The following DAPK2 variants were observed in gnomAD, a reference collection of about 807,000 sequenced individuals.
The protein encoded by DAPK2 is death-associated protein kinase 2.
DAPK2 carries 35 observed loss-of-function variants against 44.1 expected under a neutral mutation model. The observed-to-expected ratio is 0.79, with a 90% CI of 0.61 to 1.05. The LOEUF (loss-of-function observed/expected upper bound fraction) is 1.05, where lower values mean the gene tolerates loss of function less well. DAPK2 is among the 50% of genes least tolerant of loss of function. The probability of loss-of-function intolerance (pLI) is 0.00; values close to 1 mark genes in which losing one functional copy is unlikely to be tolerated. For missense variants in DAPK2, 453 were observed against 483.2 expected (o/e 0.94, Z 0.59); for synonymous variants, 174 against 182.6 (o/e 0.95, Z 0.38).
At chr15:63,931,760 G>A (rs115644106) in intron 4 of DAPK2, among the ~76,000 whole-genome samples, 3,089 of 152,256 alleles carry the variant, frequency 0.02, 97 homozygotes, top group African/African-American at 0.071. Flanking sequence ...CAGAGACTAG[G>A]AGAGATGGCT....
chr15:64,028,302 G>A (rs903522337), intron 1 of DAPK2, among the ~76,000 whole-genome samples: 3 of 152,178 alleles, frequency 2.0e-5, no homozygotes, highest in African/African-American at 7.2e-5. Flanking sequence ...CAAGTGATCT[G>A]CCTGCCTTAG....
intron 1 of DAPK2, chr15:64,029,691 A>G (rs1172514121): frequency 6.6e-6 from 1 of 152,282 alleles, no homozygotes; most frequent in Non-Finnish European, 1.5e-5. Context: ...GTGCCCAAGA[A>G]TATTTATTGT....
At chr15:63,960,342 C>T (rs2077857605) in intron 3 of DAPK2, among the ~76,000 whole-genome samples, 1 of 152,126 alleles carries the variant, frequency 6.6e-6, no homozygotes, top group Admixed American at 6.6e-5. Flanking sequence ...TTTTGTGTCT[C>T]TATCTCCTTC....
intron 3 of DAPK2, among the ~76,000 whole-genome samples, chr15:63,944,135 C>G (rs1364746904): frequency 6.6e-6 from 1 of 152,118 alleles, no homozygotes; most frequent in African/African-American, 2.4e-5. Context: ...GCAGGGCGAA[C>G]ACCCAAGCTG....
At chr15:63,993,656 G>A (rs146402779) in intron 1 of DAPK2, among the ~76,000 whole-genome samples, 2 of 152,230 alleles carry the variant, frequency 1.3e-5, no homozygotes, top group East Asian at 1.9e-4. Flanking sequence ...ATGCAGGGCT[G>A]TGAATGGGGA....
At position 63,917,525 on chromosome 15, in the gene DAPK2, A is replaced by T. The variant is rs2078958583; in HGVS notation, c.859-5328T>A. The T allele has an allele frequency of 6.6e-6, 1 of 152,214 alleles. No individual in the cohort carries two copies. Among genetic ancestry groups the T allele is most frequent in the Non-Finnish European group, 1.5e-5 (1 of 68,042 alleles). 9.4% of individuals were successfully genotyped at this position (152,214 alleles called of 1,614,324 possible). On this transcript the variant is annotated intron_variant, in intron 8 of 10. Coordinates refer to ENST00000261891, the Ensembl canonical transcript of DAPK2. This position sits in a 1 kb window ranked among gnomAD's most constrained non-coding sequence, Gnocchi z 4.4. Reference sequence around the variant, plus strand: ...ACCCGCATGACTTGATTCCTGCTGGAGCGGGGTCATAGGTCCTGGAATCCA... The same window carrying T: ...ACCCGCATGACTTGATTCCTGCTGGTGCGGGGTCATAGGTCCTGGAATCCA...
chr15:64,040,477 G>C (rs1228948641), upstream of DAPK2, among the ~76,000 whole-genome samples: 7 of 152,136 alleles, frequency 4.6e-5, no homozygotes, highest in African/African-American at 1.7e-4. Context: ...ATTCAAATTT[G>C]TTAAGGAGAC....
intron 3 of DAPK2, among the ~76,000 whole-genome samples, chr15:63,970,461 TTAGA>T (rs1366989156): frequency 6.6e-6 from 1 of 152,180 alleles, no homozygotes; most frequent in Non-Finnish European, 1.5e-5. Flanking sequence ...CCGGTTGGAC[TTAGA>T]TGTCCCCTCC....
intron 1 of DAPK2, chr15:63,991,333 C>G (rs974739127): frequency 1.1e-5 from 5 of 456,136 alleles, no homozygotes; most frequent in Non-Finnish European, 2.2e-5. Context: ...TCTGGAACAA[C>G]AGAATGCCAG....
At chr15:63,986,371 G>A (rs1034507651) in intron 1 of DAPK2, among the ~76,000 whole-genome samples, 1 of 152,234 alleles carries the variant, frequency 6.6e-6, no homozygotes, top group Admixed American at 6.5e-5. Context: ...GAGACATCCA[G>A]AGACATAAGT....
chr15:63,995,623 G>A (rs1218763275), intron 1 of DAPK2, among the ~76,000 whole-genome samples: 1 of 152,172 alleles, frequency 6.6e-6, no homozygotes, highest in African/African-American at 2.4e-5. Context: ...TCCATGCAGG[G>A]TATACCTTCA....
chr15:63,985,437 C>A (rs942572190), intron 1 of DAPK2, among the ~76,000 whole-genome samples: 1 of 152,200 alleles, frequency 6.6e-6, no homozygotes, highest in Non-Finnish European at 1.5e-5. Context: ...CCAACAAACA[C>A]TTGACCGAGC....
At chr15:63,934,480 C>A (rs1252678656) in intron 4 of DAPK2, among the ~76,000 whole-genome samples, 1 of 152,056 alleles carries the variant, frequency 6.6e-6, no homozygotes, top group Non-Finnish European at 1.5e-5. Context: ...TGGTCTTGAA[C>A]TCCTGACCTC....
chr15:63,999,343 C>CCCCACAGCTG (rs1307838970), intron 1 of DAPK2, among the ~76,000 whole-genome samples: 1 of 152,136 alleles, frequency 6.6e-6, no homozygotes, highest in Non-Finnish European at 1.5e-5. Flanking sequence ...ACAGTTCTGC[C>CCCCACAGCTG]CCCACAGCTG....
At chr15:63,974,722 A>C (rs897745757) in intron 2 of DAPK2, among the ~76,000 whole-genome samples, 5 of 152,198 alleles carry the variant, frequency 3.3e-5, no homozygotes, top group African/African-American at 1.2e-4. Context: ...AAAGGAACAG[A>C]GATTCTCCAC....
chr15:63,977,622 T>G (rs1459386079), intron 2 of DAPK2, among the ~76,000 whole-genome samples: 1 of 152,176 alleles, frequency 6.6e-6, no homozygotes, highest in Non-Finnish European at 1.5e-5. Flanking sequence ...GTACATGGTG[T>G]CATCATCAGG....
intron 3 of DAPK2, among the ~76,000 whole-genome samples, chr15:63,943,632 G>A (rs1351052987): frequency 6.6e-6 from 1 of 152,082 alleles, no homozygotes; most frequent in Non-Finnish European, 1.5e-5. Flanking sequence ...CAGCACTTTG[G>A]GAGGCTGAAG....
chr15:64,043,923 C>T (rs2080402797), upstream of DAPK2, among the ~76,000 whole-genome samples: 3 of 152,268 alleles, frequency 2.0e-5, no homozygotes, highest in South Asian at 6.2e-4. Flanking sequence ...ACTTAGTTCC[C>T]CAGCCTCCTT....
chr15:63,922,252 ACG>A, intron 8 of DAPK2: 2 of 986,588 alleles, frequency 2.0e-6, no homozygotes, highest in Non-Finnish European at 2.4e-6. Flanking sequence ...ATCAATGCAA[ACG>A]AAAGGCAATA....
Sources: allele counts gnomAD v4.1 joint callset (sites outside exome capture counted in the v4.1 genomes callset), GRCh38; gene constraint gnomAD v4.1.1; non-coding constraint Gnocchi (gnomAD v3.1); transcripts MANE v1.5; gene names NCBI Gene and HGNC (gene_info 2026-07-23, HGNC 2026-07-21).